The following TLE6 variants were observed in gnomAD, a reference collection of about 807,000 sequenced individuals.
The protein encoded by TLE6 is transducin-like enhancer protein 6.
Under a neutral mutation model 77.1 loss-of-function variants are expected in TLE6, and 72 were observed. That is an observed-to-expected ratio of 0.93 (90% CI 0.77 to 1.14). The LOEUF is 1.14. Ranked by LOEUF, TLE6 falls within the 50% of genes most tolerant of loss-of-function variation. TLE6 has a pLI of 0.00. For synonymous variants in TLE6, 366 were observed against 287.3 expected, an observed-to-expected ratio of 1.27 and a Z score of -2.77; for missense variants, 843 against 747.6, an observed-to-expected ratio of 1.13 and a Z score of -1.49.
rs766930705 is a variant in TLE6 at position 2,994,924 on chromosome 19, T to C, written c.1639T>C (p.Cys547Arg). 15 of 1,604,098 alleles carry C rather than the reference T, an allele frequency of 9.4e-6. No homozygotes were observed. In the South Asian group the frequency reaches 1.3e-4, roughly 14 times the overall value. Residue 547 changes from cysteine to arginine, a missense_variant, in exon 17 of 17, where the codon TGC becomes CGC. By Grantham distance (180) the Cys-to-Arg change is radical. Coordinates refer to ENST00000246112, the MANE Select transcript of TLE6 (RefSeq NM_001143986.2). ...FEVPEMSPVT[C>R]CDVSSNNRLV... ...GGTGCCTGAGATGTCTCCAGTCACG[T>C]GCTGTGACGTCTCTTCCAACAACCG... is the stretch of plus-strand genomic sequence containing the variant.
chr19:2,981,452 C>T (rs2088795913), intron 3 of TLE6, 86 bp from the exon 4 acceptor site: 4 of 1,451,974 alleles, frequency 2.8e-6, no homozygotes, highest in Non-Finnish European at 3.8e-6. Context: ...TCATTGAGAC[C>T]CTCCCTAGGG....
At chr19:2,977,737 C>T in intron 1 of TLE6, 127 bp downstream of exon 1, 1 of 155,658 alleles carries the variant, frequency 6.4e-6, no homozygotes, top group Non-Finnish European at 1.4e-5. Context: ...GGTGCTGCAG[C>T]AGGGATGGAG....
Position 2,980,086 on chromosome 19 carries a change from T to C in TLE6, c.52-14T>C. The C allele has an allele frequency of 6.5e-7, 1 of 1,549,704 alleles. No individual in the cohort carries two copies. The highest frequency in any genetic ancestry group is 8.7e-7 in the Non-Finnish European group (1 of 1,145,630). On this transcript the variant is annotated splice_polypyrimidine_tract_variant and intron_variant, in intron 2 of 16. Transcript: ENST00000246112. ...CATTGTAAGTTTTATGTAACCTTGC[T>C]TTGACCTTTCCAGCCTTGTCCTGGG...
intron 14 of TLE6, among the ~76,000 whole-genome samples, chr19:2,992,884 G>A (rs1161240724): frequency 1.4e-5 from 2 of 147,586 alleles, no homozygotes; most frequent in East Asian, 4.0e-4. Context: ...CAAACACAGA[G>A]ATCATTAGAA....
At position 2,994,111 on chromosome 19, in the gene TLE6, G is replaced by A; in HGVS notation, c.1614+16G>A. Reference sequence around the variant, plus strand: ...AGTGTTCGAGGTACTGCGGTGGGCTGGGGGCAGGACCCGGGGGTGGCCCCA... The same window carrying A: ...AGTGTTCGAGGTACTGCGGTGGGCTAGGGGCAGGACCCGGGGGTGGCCCCA... On this transcript the variant is annotated intron_variant, in intron 16 of 16. Coordinates refer to ENST00000246112, the MANE Select transcript of TLE6 (RefSeq NM_001143986.2). 3 of 900,194 alleles carry A rather than the reference G, an allele frequency of 3.3e-6. No homozygotes were observed. Among genetic ancestry groups the A allele is most frequent in the Non-Finnish European group, 3.4e-6 (2 of 592,202 alleles). The allele number at this position is 900,194 out of a possible 1,614,324, so 55.8% of individuals were successfully genotyped here. A position where few individuals can be genotyped will look rare whatever the true frequency, so the allele number is the denominator to read the frequency against.
At chr19:2,980,738 TAAAA>T (rs751491532) in intron 3 of TLE6, among the ~76,000 whole-genome samples, 3 of 106,310 alleles carry the variant, frequency 2.8e-5, no homozygotes, top group Admixed American at 1.1e-4. Flanking sequence ...ACTCGGTCTT[TAAAA>T]AAAAAAAAAA....
intron 14 of TLE6, 61 bp from the exon 15 acceptor site, chr19:2,993,371 T>G (rs2089128324): frequency 6.5e-7 from 1 of 1,531,666 alleles, no homozygotes; most frequent in Non-Finnish European, 8.8e-7. Context: ...GGCTCCTGCC[T>G]GCTTCCTGGG....
intron 5 of TLE6, chr19:2,984,462 C>T (rs522982): frequency 0.55 from 83,649 of 151,882 alleles, 26,897 homozygotes; most frequent in East Asian, 0.99. Context: ...TAGGATCACT[C>T]GCCTTGCTTT....
intron 1 of TLE6, 57 bp from the exon 2 acceptor site, chr19:2,978,140 TC>T: frequency 2.2e-6 from 3 of 1,375,566 alleles, no homozygotes; most frequent in Non-Finnish European, 3.0e-6. Flanking sequence ...GTGCCTTGCT[TC>T]CCTGGCACTG....
chr19:2,993,628 C>T, intron 15 of TLE6, 46 bp downstream of exon 15: 1 of 1,521,534 alleles, frequency 6.6e-7, no homozygotes, highest in East Asian at 2.3e-5. Flanking sequence ...CAGCCCCCAG[C>T]CTCCCACAAG....
Position 2,989,236 on chromosome 19 carries a change from A to G in TLE6, c.916A>G (p.Arg306Gly), listed in dbSNP as rs1478008290. The change falls in exon 12 of 17, where the codon AGA (arginine) becomes GGA (glycine). Residue 306 changes from arginine to glycine, a missense_variant. By Grantham distance (125) the Arg-to-Gly change is moderately radical (BLOSUM62 -2). Transcript: ENST00000246112. ...CACGCGGCACGTGTTCACCTGTGGCAGAAGAGGCATCAAGGTGTGGAGCCT... is the reference window on the plus strand; with the variant it reads ...CACGCGGCACGTGTTCACCTGTGGCGGAAGAGGCATCAAGGTGTGGAGCCT... The part of the protein sequence containing the change: ...SFTRHVFTCG[R>G]RGIKVWSLTG... 2 of 1,614,054 alleles carry G rather than the reference A, an allele frequency of 1.2e-6. No homozygotes were observed. The highest frequency in any genetic ancestry group is 1.1e-5 in the South Asian group (1 of 91,088).
At chr19:2,994,126 G>A (rs753975146) in intron 16 of TLE6, 31 bp downstream of exon 16, 9 of 1,578,238 alleles carry the variant, frequency 5.7e-6, no homozygotes, top group Non-Finnish European at 7.7e-6. Context: ...CAGGACCCGG[G>A]GGTGGCCCCA....
At chr19:2,991,423 C>T (rs1015832744) in intron 13 of TLE6, among the ~76,000 whole-genome samples, 2 of 141,462 alleles carry the variant, frequency 1.4e-5, no homozygotes, top group Admixed American at 7.1e-5. Context: ...CACACACACA[C>T]ACATATATAT....
At chr19:2,988,149 C>G (rs1364831192) in intron 11 of TLE6, 21 bp downstream of exon 11, 1 of 1,551,182 alleles carries the variant, frequency 6.4e-7, no homozygotes, top group South Asian at 1.2e-5. Flanking sequence ...GCACTGTTTG[C>G]TTTTGGGCGG....
Position 2,980,165 on chromosome 19 carries a change from G to A in TLE6, c.117G>A (p.Arg39=). The A allele has an allele frequency of 1.3e-6, 2 of 1,547,986 alleles. No homozygotes were observed. Among genetic ancestry groups the A allele is most frequent in the Non-Finnish European group, 1.7e-6 (2 of 1,144,744 alleles). ...PTLNYQGILN[R]LKQFPRFSPH... is the part of the protein sequence containing the mutation. ...TGAATTATCAGGGCATTCTAAATCG[G>A]CTCAAGCAGTTCCCCAGGTGAGAGC... Residue 39 remains arginine, a synonymous_variant, in exon 3 of 17, where the codon CGG becomes CGA. Transcript: ENST00000246112.
At position 2,981,624 on chromosome 19, in the gene TLE6, C is replaced by CCT. The variant is rs2145019740; in HGVS notation, c.180+41_180+42insCT. ...GCAGCCCCAACCAAGGAGGGCCCCACTGGGACAAGCTGAGGCCCTGGTTTC... is the reference window on the plus strand; with the variant it reads ...GCAGCCCCAACCAAGGAGGGCCCCACCTTGGGACAAGCTGAGGCCCTGGTTTC... On this transcript the variant is annotated intron_variant, in intron 4 of 16. Transcript: ENST00000246112. 4 of 1,546,044 alleles carry CCT rather than the reference C, an allele frequency of 2.6e-6. No individual in the cohort carries two copies. In the East Asian group the frequency reaches 9.8e-5, roughly 38 times the overall value.
intron 5 of TLE6, among the ~76,000 whole-genome samples, chr19:2,983,456 C>T (rs1056335817): frequency 2.6e-5 from 4 of 151,996 alleles, no homozygotes; most frequent in African/African-American, 7.3e-5. Context: ...GACATCTGAG[C>T]GGAGGCTTAA....
chr19:2,989,369 G>C, intron 12 of TLE6, 56 bp downstream of exon 12: 1 of 1,601,734 alleles, frequency 6.2e-7, no homozygotes, highest in Non-Finnish European at 8.5e-7. Context: ...GGGGGTTTGA[G>C]GTTTGAGTCT....
At chr19:2,994,765 C>T in intron 16 of TLE6, 135 bp from the exon 17 acceptor site, 3 of 534,898 alleles carry the variant, frequency 5.6e-6, no homozygotes, top group Non-Finnish European at 1.0e-5. Flanking sequence ...GATTGCACCA[C>T]TGCACTCCAG....
Sources: gnomAD v4.1 joint callset for allele counts (sites outside exome capture counted in the v4.1 genomes callset) on GRCh38, gnomAD v4.1.1 for gene constraint, MANE v1.5 for transcripts, NCBI Gene and HGNC (gene_info 2026-07-23, HGNC 2026-07-21) for gene names.